The following XIST variants were observed in gnomAD, a reference collection of about 807,000 sequenced individuals.
The protein encoded by XIST is X inactive specific transcript, also known as X inactive specific transcript (non-protein coding).
At chrX:73,825,078 A>T in exon 6 of XIST, 1 of 515,135 alleles carries the variant, frequency 1.9e-6, no homozygotes. Flanking sequence ...TTTTTGTTCT[A>T]TGAGAATACT....
chrX:73,827,985 CTT>C (rs1569511763), intron 5 of XIST: 3 of 503,773 alleles, frequency 6.0e-6, no homozygotes, highest in Non-Finnish European at 1.1e-5. Flanking sequence ...GAAATACACA[CTT>C]GAGTGCAAGA....
exon 1 of XIST, chrX:73,843,361 ATTG>A (rs1922648822): frequency 7.2e-6 from 4 of 558,864 alleles, no homozygotes; most frequent in East Asian, 6.5e-5. Flanking sequence ...GCCCTTGATA[ATTG>A]TTATTAATGC....
At chrX:73,827,940 G>A (rs1374574991) in exon 6 of XIST, 1 of 521,651 alleles carries the variant, frequency 1.9e-6, no homozygotes, top group Non-Finnish European at 3.4e-6. Context: ...TTTAGATAGA[G>A]AACAAAGAGC....
chrX:73,847,747 C>A (rs757808151), exon 1 of XIST: 6 of 555,759 alleles, frequency 1.1e-5, no homozygotes, highest in Non-Finnish European at 1.9e-5. Flanking sequence ...TAGAAATACA[C>A]ATTAAGAGTC....
At chrX:73,848,738 T>G (rs6528) in exon 1 of XIST, 1 of 558,153 alleles carries the variant, frequency 1.8e-6, no homozygotes, top group Admixed American at 2.2e-5. Flanking sequence ...TATATGCAAT[T>G]ATGCATATCA....
At chrX:73,827,192 G>T in exon 6 of XIST, 1 of 558,569 alleles carries the variant, frequency 1.8e-6, no homozygotes, top group Non-Finnish European at 3.2e-6. Flanking sequence ...ATCTCACATG[G>T]CAGCCTGGCA....
chrX:73,826,458 A>G (rs749820005), exon 6 of XIST: 1 of 558,491 alleles, frequency 1.8e-6, no homozygotes, highest in Non-Finnish European at 3.2e-6. Flanking sequence ...ATAGCCTAAC[A>G]AATAGGTAAA....
chrX:73,851,256 G>C (rs757680575), exon 1 of XIST: 4 of 558,085 alleles, frequency 7.2e-6, no homozygotes, highest in Admixed American at 6.7e-5. Flanking sequence ...CGTGACAAAA[G>C]CCATGATATA....
chrX:73,845,925 T>G lies in XIST; in HGVS notation n.6799A>C, dbSNP rs772984248. 2.5e-5 allele frequency: 14 copies of G among 556,307 alleles called. No homozygotes were observed. In the African/African-American group the frequency reaches 3.2e-4, roughly 13 times the overall value. The allele number at this position is 556,307 out of a possible 1,213,427, so 45.8% of individuals were successfully genotyped here. A position where few individuals can be genotyped will look rare whatever the true frequency, so the allele number is the denominator to read the frequency against. On this transcript the variant is annotated non_coding_transcript_exon_variant, in exon 1 of 6. Coordinates refer to ENST00000429829, the Ensembl canonical transcript of XIST. ...AAGGGGCCTTGGTGATCAGCACCCC[T>G]GCTGTACTGCAAAAGGGGTCTGAGA...
exon 1 of XIST, chrX:73,841,818 T>C: frequency 2.0e-6 from 1 of 505,322 alleles, no homozygotes; most frequent in Non-Finnish European, 3.5e-6. Context: ...CATATGCTTT[T>C]TAAAAGCACC....
At chrX:73,843,395 A>T (rs1369619836) in exon 1 of XIST, 11 of 557,109 alleles carry the variant, frequency 2.0e-5, no homozygotes, top group African/African-American at 2.2e-5. Context: ...CCAAGAGCTG[A>T]GATTATGAGT....
chrX:73,835,654 CATA>C lies in XIST; in HGVS notation n.11406+1783_11406+1785del, dbSNP rs772389328. Among the ~76,000 whole-genome samples, 19 of 111,793 alleles carry C rather than the reference CATA, an allele frequency of 1.7e-4. No homozygotes were observed. In the South Asian group the frequency reaches 6.4e-3, roughly 38 times the overall value. ...ATTATTCCCATAAACCTAAATAGTA[CATA>C]ATAATATTTTTCTTTTACAGAAAAC... is the stretch of plus-strand genomic sequence containing the variant. On this transcript the variant is annotated intron_variant and non_coding_transcript_variant, in intron 2 of 5. Coordinates refer to ENST00000429829, the Ensembl canonical transcript of XIST.
At chrX:73,826,067 C>A in exon 6 of XIST, 1 of 558,954 alleles carries the variant, frequency 1.8e-6, no homozygotes, top group Middle Eastern at 3.1e-4. Flanking sequence ...CACAGTCACC[C>A]TTTCCATAAC....
chrX:73,844,257 T>C (rs1329096289), exon 1 of XIST: 3 of 558,951 alleles, frequency 5.4e-6, no homozygotes, highest in Non-Finnish European at 9.7e-6. Flanking sequence ...GGATGAACCA[T>C]GTGGTGATTA....
chrX:73,848,575 C>G (rs764805651), exon 1 of XIST: 1 of 557,777 alleles, frequency 1.8e-6, no homozygotes, highest in Non-Finnish European at 3.2e-6. Flanking sequence ...AAATAGGATA[C>G]AGAGTCCCTT....
rs769360000 is a variant in XIST, at chrX:73,822,659, T to G, written n.17242A>C. On this transcript the variant is annotated non_coding_transcript_exon_variant, in exon 6 of 6. Transcript: ENST00000429829. ...TGAGATAACAGTCACTTCTGTTTGA[T>G]GAAGAGTATCACTTCATTCCATTTT... The G allele has an allele frequency of 5.7e-6, 3 of 528,430 alleles. No individual in the cohort carries two copies. In the African/African-American group the frequency reaches 6.8e-5, roughly 12 times the overall value. 43.5% of individuals were successfully genotyped at this position (528,430 alleles called of 1,213,427 possible).
chrX:73,829,585 G>C (rs961080668), intron 4 of XIST: 1 of 129,090 alleles, frequency 7.7e-6, no homozygotes, highest in Non-Finnish European at 1.5e-5. Context: ...GAGGTCAGGA[G>C]TTTGAGACCA....
At chrX:73,825,804 T>C (rs186308654) in exon 6 of XIST, 2 of 531,671 alleles carry the variant, frequency 3.8e-6, no homozygotes, top group East Asian at 3.4e-5. Context: ...AATACACTAA[T>C]TGGTTTTTCT....
At chrX:73,836,711 AT>A (rs1947305510) in intron 2 of XIST, among the ~76,000 whole-genome samples, 1 of 111,549 alleles carries the variant, frequency 9.0e-6, no homozygotes, top group Admixed American at 9.6e-5. Flanking sequence ...TTGATTTCTA[AT>A]ATTACTCTCC....
Sources: gnomAD v4.1 joint callset for allele counts (sites outside exome capture counted in the v4.1 genomes callset) on GRCh38, gnomAD v4.1.1 for gene constraint, MANE v1.5 for transcripts, NCBI Gene and HGNC (gene_info 2026-07-23, HGNC 2026-07-21) for gene names.